Variants in CGNL1 observed in about 807,000 individuals in gnomAD.
CGNL1 encodes cingulin-like protein 1.
CGNL1 carries 132 observed loss-of-function variants against 141.2 expected under a neutral mutation model. The ratio of observed to expected loss-of-function variants is 0.93; its 90% CI spans 0.81 to 1.08. The LOEUF is 1.08. Among genes scored for constraint, CGNL1 ranks in the 50% least tolerant of loss-of-function variants. The pLI is 0.00. For missense variants in CGNL1, 1,870 were observed against 1,588.6 expected (o/e 1.18, Z -3.01); for synonymous variants, 690 against 622.1 (o/e 1.11, Z -1.63).
intron 1 of CGNL1, among the ~76,000 whole-genome samples, chr15:57,378,749 C>T (rs1395511624): frequency 1.3e-5 from 2 of 152,134 alleles, no homozygotes; most frequent in Non-Finnish European, 2.9e-5. Flanking sequence ...AGAACATTTA[C>T]ATTCATTTCT....
intron 1 of CGNL1, among the ~76,000 whole-genome samples, chr15:57,428,647 T>A (rs1023123734): frequency 6.6e-6 from 1 of 152,012 alleles, no homozygotes; most frequent in Admixed American, 6.6e-5. Context: ...TAGGTGAGCC[T>A]CGAAGAAAGA....
intron 8 of CGNL1, among the ~76,000 whole-genome samples, chr15:57,469,714 C>CG (rs2063555701): frequency 6.6e-6 from 1 of 152,080 alleles, no homozygotes; most frequent in Non-Finnish European, 1.5e-5. Context: ...CTTTTCTCCC[C>CG]CTTCACCACC....
chr15:57,455,561 C>G lies in CGNL1; in HGVS notation c.2190+1743C>G, dbSNP rs190616045. ...ATATTTTGTATCTTTCTTCTGCTAG[C>G]CAGCTAATTCAAGAGCAATCACTTT... On this transcript the variant is annotated intron_variant, in intron 7 of 18. Transcript: ENST00000281282. 1.2e-4 allele frequency among the ~76,000 whole-genome samples: 19 copies of G among 152,298 alleles called. 1 individual carries two copies. Among genetic ancestry groups the G allele is most frequent in the Admixed American group, 4.6e-4 (7 of 15,302 alleles).
At chr15:57,496,863 T>A (rs1396585467) in intron 8 of CGNL1, among the ~76,000 whole-genome samples, 13 of 152,236 alleles carry the variant, frequency 8.5e-5, no homozygotes, top group African/African-American at 3.1e-4. Flanking sequence ...CAAGACTTGG[T>A]AGCACAGTGT....
intron 8 of CGNL1, among the ~76,000 whole-genome samples, chr15:57,463,820 G>A (rs1383625989): frequency 6.6e-6 from 1 of 152,122 alleles, no homozygotes; most frequent in Non-Finnish European, 1.5e-5. Flanking sequence ...ACTTGCTCCT[G>A]CTTTGCCATC....
At chr15:57,417,687 T>G (rs1283125347) in intron 1 of CGNL1, among the ~76,000 whole-genome samples, 1 of 151,574 alleles carries the variant, frequency 6.6e-6, no homozygotes, top group African/African-American at 2.4e-5. Flanking sequence ...ATTCAATTCA[T>G]AAGCAATTGC....
intron 14 of CGNL1, among the ~76,000 whole-genome samples, chr15:57,541,090 G>A (rs1223560294): frequency 6.6e-6 from 1 of 152,214 alleles, no homozygotes; most frequent in Non-Finnish European, 1.5e-5. Context: ...TGGCCAGCTC[G>A]GGGGCCCTTA....
rs1333700393 is a variant in CGNL1 at position 57,547,711 on chromosome 15, G to A, written c.*221G>A. On this transcript the variant is annotated 3_prime_UTR_variant, in exon 19 of 19. Coordinates refer to ENST00000281282, the MANE Select transcript of CGNL1 (RefSeq NM_032866.5). ...AAATGTTGGGATGCCTGAGGACCAG[G>A]AGCCACCACCCACTGGGGTGTTGTG... The A allele has an allele frequency of 7.9e-6, 4 of 503,730 alleles. No individual in the cohort carries two copies. 31.2% of individuals were successfully genotyped at this position (503,730 alleles called of 1,614,324 possible). A position where few individuals can be genotyped will look rare whatever the true frequency, so the allele number is the denominator to read the frequency against.
At chr15:57,404,251 T>G in intron 1 of CGNL1, among the ~76,000 whole-genome samples, 1 of 152,214 alleles carries the variant, frequency 6.6e-6, no homozygotes, top group Non-Finnish European at 1.5e-5. Context: ...TTTGGACCTC[T>G]TGAAACATCA....
At chr15:57,460,035 A>T (rs1257804875) in intron 7 of CGNL1, among the ~76,000 whole-genome samples, 4 of 152,202 alleles carry the variant, frequency 2.6e-5, no homozygotes, top group Non-Finnish European at 5.9e-5. Context: ...GCTAAAAGAG[A>T]ATAAAGAATG....
At chr15:57,515,976 G>A (rs2030744458) in intron 8 of CGNL1, among the ~76,000 whole-genome samples, 1 of 152,000 alleles carries the variant, frequency 6.6e-6, no homozygotes, top group African/African-American at 2.4e-5. Context: ...GGCTAACATG[G>A]TGAAACCCCG....
chr15:57,401,674 C>T (rs1167346557), intron 1 of CGNL1, among the ~76,000 whole-genome samples: 1 of 152,214 alleles, frequency 6.6e-6, no homozygotes, highest in Non-Finnish European at 1.5e-5. Flanking sequence ...ACCAATTCTT[C>T]TGAACTTAGT....
chr15:57,388,778 G>A (rs1311405190), intron 1 of CGNL1, among the ~76,000 whole-genome samples: 1 of 152,202 alleles, frequency 6.6e-6, no homozygotes, highest in Non-Finnish European at 1.5e-5. Context: ...ATAAATGTGG[G>A]AAGAAGGACA....
chr15:57,487,631 A>G (rs1346165561), intron 8 of CGNL1, among the ~76,000 whole-genome samples: 6 of 152,228 alleles, frequency 3.9e-5, no homozygotes, highest in Non-Finnish European at 7.3e-5. Context: ...GTTGAGGCAG[A>G]TATTTATACA....
At position 57,384,235 on chromosome 15, in the gene CGNL1, G is replaced by T. The variant is rs74964837; in HGVS notation, c.-16+7668G>T. ...TTTCTGGGTGTGAGGCAGCTGGATG[G>T]GGTACAAAAGAGGGAGAGAGTTGCC... is the stretch of plus-strand genomic sequence containing the variant. On this transcript the variant is annotated intron_variant, in intron 1 of 18. Transcript: ENST00000281282. Among the ~76,000 whole-genome samples the T allele has an allele frequency of 9.2e-5, 14 of 152,246 alleles. No individual in the cohort carries two copies. In the East Asian group the frequency reaches 2.7e-3, roughly 29 times the overall value.
intron 8 of CGNL1, among the ~76,000 whole-genome samples, chr15:57,494,549 A>T (rs1438644592): frequency 6.6e-6 from 1 of 152,232 alleles, no homozygotes; most frequent in Non-Finnish European, 1.5e-5. Flanking sequence ...AGAAGTAGAA[A>T]ATGTAAAAGC....
At chr15:57,399,811 G>T (rs2062639922) in intron 1 of CGNL1, among the ~76,000 whole-genome samples, 1 of 152,026 alleles carries the variant, frequency 6.6e-6, no homozygotes, top group African/African-American at 2.4e-5. Context: ...CAGCCCAGGA[G>T]TTTGAGACCA....
At chr15:57,390,213 C>T (rs1197590661) in intron 1 of CGNL1, among the ~76,000 whole-genome samples, 2 of 152,196 alleles carry the variant, frequency 1.3e-5, no homozygotes, top group African/African-American at 4.8e-5. Flanking sequence ...CTTCACTTGG[C>T]CAAGCCAGAC....
rs144685662 is a variant in CGNL1, at chr15:57,523,550, G to A, written c.2777G>A (p.Ser926Asn). 2.6e-4 allele frequency: 414 copies of A among 1,614,200 alleles called. No individual in the cohort carries two copies. Among genetic ancestry groups the A allele is most frequent in the South Asian group, 4.0e-4 (36 of 91,082 alleles). Residue 926 changes from serine to asparagine, a missense_variant, in exon 11 of 19, where the codon AGT (serine) becomes AAT (asparagine). Transcript: ENST00000281282. ...KQLSEKLKEE[S>N]EQKEQLRRLK... ...TTGTCTGAGAAGCTCAAAGAGGAGA[G>A]TGAGCAGAAGGAGCAGCTAAGAAGG...
Sources: allele counts gnomAD v4.1 joint callset (sites outside exome capture counted in the v4.1 genomes callset), GRCh38; gene constraint gnomAD v4.1.1; transcripts MANE v1.5; gene names NCBI Gene and HGNC (gene_info 2026-07-23, HGNC 2026-07-21).